DNAJC3: variants seen among roughly 807,000 people sequenced by gnomAD.
DNAJC3 encodes DnaJ heat shock protein family (Hsp40) member C3.
In DNAJC3, 38 loss-of-function variants were observed where a neutral mutation model predicts 68.6. The ratio of observed to expected loss-of-function variants is 0.55; its 90% confidence interval spans 0.43 to 0.73. The LOEUF (loss-of-function observed/expected upper bound fraction) is 0.73. Among genes scored for constraint, DNAJC3 ranks in the 30% least tolerant of loss-of-function variants. DNAJC3 has a pLI of 0.00. For missense variants in DNAJC3, 526 were observed against 591.9 expected (o/e 0.89, Z 1.16); for synonymous variants, 203 against 204.0 (o/e 1.00, Z 0.04).
chr13:95,685,904 T>A (rs1880062070), intron 1 of DNAJC3, among the ~76,000 whole-genome samples: 1 of 152,190 alleles, frequency 6.6e-6, no homozygotes, highest in Non-Finnish European at 1.5e-5. Context: ...GAACATTTTT[T>A]CATGTTTGTT....
At chr13:95,679,957 TTC>T (rs758720539) in intron 1 of DNAJC3, among the ~76,000 whole-genome samples, 1 of 152,234 alleles carries the variant, frequency 6.6e-6, no homozygotes, top group Non-Finnish European at 1.5e-5. Flanking sequence ...TTCTAGATTT[TTC>T]TGTTAATTGT....
intron 4 of DNAJC3, among the ~76,000 whole-genome samples, chr13:95,743,281 T>G (rs2139660638): frequency 6.6e-6 from 1 of 152,276 alleles, no homozygotes; most frequent in African/African-American, 2.4e-5. Flanking sequence ...CCAGAAAAGG[T>G]TCAGAGAGCT....
intron 4 of DNAJC3, among the ~76,000 whole-genome samples, chr13:95,740,744 A>C (rs1426797686): frequency 6.6e-6 from 1 of 152,208 alleles, no homozygotes; most frequent in South Asian, 2.1e-4. Context: ...CCGGTACCTC[A>C]GATGGAAATG....
rs202019299 is a variant in DNAJC3 at position 95,685,340 on chromosome 13, G to A, written c.82+8003G>A. Among the ~76,000 whole-genome samples, 34 of 152,348 alleles carry A rather than the reference G, an allele frequency of 2.2e-4. No homozygotes were observed. In the East Asian group the frequency reaches 6.0e-3, roughly 27 times the overall value. On this transcript the variant is annotated intron_variant, in intron 1 of 11. Coordinates refer to ENST00000602402, the MANE Select transcript of DNAJC3 (RefSeq NM_006260.5). ...GGGTTTTAGCACGTGCATGGGGCCC[G>A]TAGCCTTTTTCTTTTGGCCGGTTTT...
chr13:95,719,795 C>T (rs542651722), intron 2 of DNAJC3, among the ~76,000 whole-genome samples: 1 of 152,276 alleles, frequency 6.6e-6, no homozygotes, highest in South Asian at 2.1e-4. Flanking sequence ...TGTATGTAGA[C>T]AATTTTTGTG....
intron 9 of DNAJC3, among the ~76,000 whole-genome samples, chr13:95,773,739 T>C (rs937962286): frequency 2.2e-5 from 3 of 138,950 alleles, no homozygotes; most frequent in African/African-American, 8.1e-5. Flanking sequence ...GTCTTTTTTT[T>C]TTTTTTTTTT....
chr13:95,689,271 T>A (rs1444529393), intron 1 of DNAJC3, among the ~76,000 whole-genome samples: 1 of 151,906 alleles, frequency 6.6e-6, no homozygotes, highest in African/African-American at 2.4e-5. Flanking sequence ...CTAATTTGAT[T>A]TTATTGCTCA....
chr13:95,738,617 T>A (rs1882015095), intron 4 of DNAJC3, among the ~76,000 whole-genome samples: 1 of 152,178 alleles, frequency 6.6e-6, no homozygotes, highest in South Asian at 2.1e-4. Flanking sequence ...TGGTTTAAAG[T>A]CTGTTTTATC....
chr13:95,771,795 AC>A (rs1355045661), intron 9 of DNAJC3, among the ~76,000 whole-genome samples: 1 of 116,302 alleles, frequency 8.6e-6, no homozygotes, highest in African/African-American at 3.2e-5. Context: ...TTCCCATCCC[AC>A]CCCCCCACAG....
rs1463686958 is a variant in DNAJC3, at chr13:95,760,721, G to C, written c.771G>C (p.Arg257Ser). ...ECLKLDQDHK[R>S]CFAHYKQVKK... is the part of the protein sequence containing the mutation. ...TTAAACTTGACCAGGATCATAAAAG[G>C]TGTTTTGCACACTATAAACAAGTAA... Residue 257 changes from arginine (R) to serine (S), a missense_variant, in exon 7 of 12, where the codon AGG (arginine) becomes AGC (serine). Transcript: ENST00000602402. The C allele has an allele frequency of 1.2e-6, 2 of 1,611,910 alleles. No individual in the cohort carries two copies. Among genetic ancestry groups the C allele is most frequent in the South Asian group, 1.1e-5 (1 of 90,724 alleles).
chr13:95,762,438 G>C (rs551340746), intron 7 of DNAJC3, among the ~76,000 whole-genome samples: 1 of 152,100 alleles, frequency 6.6e-6, no homozygotes, highest in African/African-American at 2.4e-5. Context: ...CCCAGGGAAC[G>C]TCTTACCATG....
At chr13:95,734,547 A>G (rs1593989253) in intron 4 of DNAJC3, among the ~76,000 whole-genome samples, 1 of 152,146 alleles carries the variant, frequency 6.6e-6, no homozygotes, top group African/African-American at 2.4e-5. Context: ...CTTTCTGTCT[A>G]TCGACGTCTA....
chr13:95,734,583 T>C (rs891804346), intron 4 of DNAJC3, among the ~76,000 whole-genome samples: 1 of 152,000 alleles, frequency 6.6e-6, no homozygotes, highest in African/African-American at 2.4e-5. Context: ...TTGGGATGTT[T>C]TCAGCTATTA....
chr13:95,687,708 G>A (rs1264797736), intron 1 of DNAJC3, among the ~76,000 whole-genome samples: 1 of 152,154 alleles, frequency 6.6e-6, no homozygotes, highest in African/African-American at 2.4e-5. Context: ...TGGGTAATGT[G>A]ATACCTCCAG....
chr13:95,745,923 T>C (rs986231191), intron 4 of DNAJC3, among the ~76,000 whole-genome samples: 4 of 152,230 alleles, frequency 2.6e-5, no homozygotes, highest in African/African-American at 4.8e-5. Flanking sequence ...GCACTCACCA[T>C]GTACTGGGTG....
intron 2 of DNAJC3, among the ~76,000 whole-genome samples, chr13:95,718,348 A>G (rs1188517528): frequency 6.6e-6 from 1 of 152,212 alleles, no homozygotes; most frequent in African/African-American, 2.4e-5. Flanking sequence ...AACTGTTGGT[A>G]TTTTAAGATG....
intron 9 of DNAJC3, among the ~76,000 whole-genome samples, chr13:95,771,647 G>A (rs1883162253): frequency 6.6e-6 from 1 of 152,186 alleles, no homozygotes; most frequent in Non-Finnish European, 1.5e-5. Context: ...AGAGAGGGAA[G>A]CCTAGGGTCT....
chr13:95,759,983 AAC>A, intron 5 of DNAJC3, 55 bp from the exon 6 acceptor site: 1 of 1,465,626 alleles, frequency 6.8e-7, no homozygotes, highest in Non-Finnish European at 9.1e-7. Flanking sequence ...CGTGGAATGC[AAC>A]AATGAATGTG....
chr13:95,688,943 T>G (rs934321681), intron 1 of DNAJC3, among the ~76,000 whole-genome samples: 1 of 150,514 alleles, frequency 6.6e-6, no homozygotes, highest in East Asian at 1.9e-4. Flanking sequence ...TGTGTGTGTG[T>G]GTGTGTGTGT....
Sources: allele counts gnomAD v4.1 joint callset (sites outside exome capture counted in the v4.1 genomes callset), GRCh38; gene constraint gnomAD v4.1.1; transcripts MANE v1.5; gene names NCBI Gene and HGNC (gene_info 2026-07-23, HGNC 2026-07-21).